Variants in URB1 observed in about 807,000 individuals in gnomAD.
The protein encoded by URB1 is URB1 ribosome biogenesis factor.
URB1 carries 197 observed loss-of-function variants against 242.3 expected under a neutral mutation model. That is an observed-to-expected ratio of 0.81 (90% CI 0.72 to 0.91). The LOEUF (loss-of-function observed/expected upper bound fraction) is 0.91. URB1 is among the 40% of genes least tolerant of loss of function. URB1 has a pLI of 0.00. For synonymous variants in URB1, 1,153 were observed against 1,201.8 expected (o/e 0.96, Z 0.84); for missense variants, 2,721 against 2,860.5 (o/e 0.95, Z 1.11).
rs893068917 is a variant in URB1, at chr21:32,357,669, C to T, written c.1870-13G>A. On this transcript the variant is annotated splice_polypyrimidine_tract_variant and intron_variant, in intron 14 of 38. Coordinates refer to ENST00000382751, the MANE Select transcript of URB1 (RefSeq NM_014825.3). ...CATCTGGGCCTTCCTAGAGTTTAAA[C>T]AATATTACGTATTTTTAGTATATAT... is the stretch of plus-strand genomic sequence containing the variant. 5.1e-5 allele frequency: 73 copies of T among 1,436,448 alleles called. No individual in the cohort carries two copies. The highest frequency in any genetic ancestry group is 6.4e-5 in the Non-Finnish European group (70 of 1,098,778). 89.0% of individuals were successfully genotyped at this position (1,436,448 alleles called of 1,614,324 possible).
intron 5 of URB1, among the ~76,000 whole-genome samples, chr21:32,376,965 A>G (rs2033466418): frequency 6.6e-6 from 1 of 152,138 alleles, no homozygotes; most frequent in Non-Finnish European, 1.5e-5. Context: ...GCCAGCCTCC[A>G]GAGTATTTTT....
chr21:32,361,150 A>AAG (rs1252373500), intron 12 of URB1, 27 bp from the exon 13 acceptor site: 5 of 1,119,914 alleles, frequency 4.5e-6, no homozygotes, highest in Non-Finnish European at 6.3e-6. Context: ...AAAAGAAAGA[A>AAG]AAAGAGAAAA....
chr21:32,386,634 G>C (rs777881510), intron 1 of URB1, among the ~76,000 whole-genome samples: 4 of 152,154 alleles, frequency 2.6e-5, no homozygotes, highest in Non-Finnish European at 5.9e-5. Flanking sequence ...GACTCGTCTG[G>C]ATCCCCATAG....
Position 32,372,627 on chromosome 21 carries a change from G to A in URB1, c.881C>T (p.Ser294Phe). 1.3e-6 allele frequency: 2 copies of A among 1,547,204 alleles called. No homozygotes were observed. Among genetic ancestry groups the A allele is most frequent in the Non-Finnish European group, 1.7e-6 (2 of 1,146,132 alleles). ...TDVNPENVKV[S>F]AEEAGKTMVR... ...CATGGTTTTCCCTGCTTCTTCGGCA[G>A]AAACCTATGAAGATTTTTTAAAAAT... The change falls in exon 8 of 39, where the codon TCT becomes TTT. Residue 294 changes from serine (S) to phenylalanine (F), a missense_variant. Coordinates refer to ENST00000382751, the MANE Select transcript of URB1 (RefSeq NM_014825.3).
In URB1 at chr21:32,366,618, G is replaced by A. The variant is rs1231113745; in HGVS notation, c.1335C>T (p.Asn445=). 54 of 1,551,324 alleles carry A rather than the reference G, an allele frequency of 3.5e-5. No homozygotes were observed. The highest frequency in any genetic ancestry group is 5.9e-5 in the South Asian group (5 of 84,040). The part of the protein sequence containing the change: ...CNKSMFTQAL[N]LDSTSVRHTA... The stretch of plus-strand genomic sequence containing the variant: ...AAGTGGGGCAACCACATGGCCTTAC[G>A]TTTAATGCTTGGGTGAACATGCTCT... The change falls in exon 10 of 39, where the codon AAC becomes AAT. Residue 445 remains asparagine (N), a splice_region_variant and synonymous_variant. Coordinates refer to ENST00000382751, the MANE Select transcript of URB1 (RefSeq NM_014825.3).
chr21:32,351,585 C>A (rs1287841910), intron 19 of URB1, among the ~76,000 whole-genome samples: 3 of 152,186 alleles, frequency 2.0e-5, no homozygotes, highest in Non-Finnish European at 4.4e-5. Flanking sequence ...GTGTGAAATG[C>A]AAATTCTCAG....
In URB1 at chr21:32,338,813, C is replaced by T; in HGVS notation, c.4404G>A (p.Lys1468=). Residue 1468 remains lysine (K), a synonymous_variant, in exon 26 of 39, where the codon AAG becomes AAA. Coordinates refer to ENST00000382751, the MANE Select transcript of URB1 (RefSeq NM_014825.3). ...LYSPESSVRT[K]LIQLPVVYVM... ...CGTAGACCACCGGGAGCTGGATGAG[C>T]TTCGTGCGCACGGAGCTTTCTGGGC... The T allele has an allele frequency of 6.4e-7, 1 of 1,551,730 alleles. No homozygotes were observed. Among genetic ancestry groups the T allele is most frequent in the Middle Eastern group, 1.7e-4 (1 of 5,992 alleles).
At chr21:32,362,100 T>A in intron 11 of URB1, 79 bp from the exon 12 acceptor site, 10 of 1,494,574 alleles carry the variant, frequency 6.7e-6, no homozygotes, top group East Asian at 2.5e-5. Context: ...ATTAACAAGA[T>A]GCAAAAAACA....
In URB1 at chr21:32,325,256, C is replaced by T. The variant is rs991188467; in HGVS notation, c.5094G>A (p.Glu1698=). 7.7e-6 allele frequency: 12 copies of T among 1,551,568 alleles called. No individual in the cohort carries two copies. In the Admixed American group the frequency reaches 1.2e-4, roughly 15 times the overall value. ...GGGACTGCTCTTGGAACCGTGCGCC[C>T]TCCAAGTGCGAGTAGTAGGCCGCCA... ...HVLAAYYSHL[E]GARFQEQSQL... The change falls in exon 31 of 39, where the codon GAG becomes GAA. Residue 1698 remains glutamate, a synonymous_variant. Transcript: ENST00000382751.
At chr21:32,327,467 T>G (rs911961911) in intron 30 of URB1, among the ~76,000 whole-genome samples, 1 of 151,914 alleles carries the variant, frequency 6.6e-6, no homozygotes, top group Non-Finnish European at 1.5e-5. Context: ...AAGTTAAGAC[T>G]TTTTTCAGAC....
chr21:32,343,844 C>A (rs560756376), intron 24 of URB1, among the ~76,000 whole-genome samples: 2 of 151,762 alleles, frequency 1.3e-5, no homozygotes, highest in South Asian at 4.2e-4. Flanking sequence ...ATAAAACTAC[C>A]CTGAAGTGTA....
At chr21:32,340,857 G>A (rs768098640) in intron 25 of URB1, among the ~76,000 whole-genome samples, 1 of 152,186 alleles carries the variant, frequency 6.6e-6, no homozygotes, top group Non-Finnish European at 1.5e-5. Flanking sequence ...ACATTTGTCA[G>A]TAGAGGACTG....
Position 32,349,302 on chromosome 21 carries a change from A to T in URB1, c.3012+2T>A, listed in dbSNP as rs967722902. Reference sequence around the variant, plus strand: ...AGGCTACCAGGCAACCTGTGGCGGTACCTGATCATTGGCCAACTCCAGCGA... The same window carrying T: ...AGGCTACCAGGCAACCTGTGGCGGTTCCTGATCATTGGCCAACTCCAGCGA... On this transcript the variant is annotated splice_donor_variant, in intron 21 of 38. Coordinates refer to ENST00000382751, the MANE Select transcript of URB1 (RefSeq NM_014825.3). LOFTEE classifies it high-confidence loss of function. 1 of 1,538,248 alleles carries T rather than the reference A, an allele frequency of 6.5e-7. No homozygotes were observed. The highest frequency in any genetic ancestry group is 2.0e-5 in the Admixed American group (1 of 49,296).
In URB1 at chr21:32,375,397, C is replaced by G. The variant is rs1165953523; in HGVS notation, c.750+1G>C. 1 of 1,516,318 alleles carries G rather than the reference C, an allele frequency of 6.6e-7. No homozygotes were observed. Among genetic ancestry groups the G allele is most frequent in the Non-Finnish European group, 8.9e-7 (1 of 1,126,910 alleles). The allele number at this position is 1,516,318 out of a possible 1,614,324, so 93.9% of individuals were successfully genotyped here. A position where few individuals can be genotyped will look rare whatever the true frequency, so the allele number is the denominator to read the frequency against. On this transcript the variant is annotated splice_donor_variant, in intron 6 of 38. Transcript: ENST00000382751. LOFTEE classifies it high-confidence loss of function. ...AGAAACGCGGATCACCAAGCACATA[C>G]CTTTGTTTTCAGTGTGGATAATAAA...
rs761156930 is a variant in URB1, at chr21:32,392,814, C to CTTCTTT, written c.96_97insAAAGAA (p.Gly32_Val33insLysGlu). Reference sequence around the variant, plus strand: ...TCCTTCAGCTGAGCCTTGAACCGCACGCCCGTGAGCTCTTCTTTGCGGGCG... The same window carrying CTTCTTT: ...TCCTTCAGCTGAGCCTTGAACCGCACTTCTTTGCCCGTGAGCTCTTCTTTGCGGGCG... On this transcript the variant is annotated inframe_insertion, in exon 1 of 39. Coordinates refer to ENST00000382751, the MANE Select transcript of URB1 (RefSeq NM_014825.3). 3.3e-6 allele frequency: 5 copies of CTTCTTT among 1,530,036 alleles called. No homozygotes were observed. The allele number at this position is 1,530,036 out of a possible 1,614,324, so 94.8% of individuals were successfully genotyped here.
chr21:32,357,932 G>C (rs1232047719), intron 14 of URB1, among the ~76,000 whole-genome samples: 1 of 152,182 alleles, frequency 6.6e-6, no homozygotes, highest in Non-Finnish European at 1.5e-5. Flanking sequence ...GGGAGGCTGA[G>C]GCAGGAGAAT....
chr21:32,338,659 G>C lies in URB1; in HGVS notation c.4510+48C>G, dbSNP rs1382479941. On this transcript the variant is annotated intron_variant, in intron 26 of 38. Coordinates refer to ENST00000382751, the MANE Select transcript of URB1 (RefSeq NM_014825.3). Reference sequence around the variant, plus strand: ...CAGTGCAGCCAGTGTAAGGAAATCAGGAGATAAAATCTGGATACGGAATGG... The same window carrying C: ...CAGTGCAGCCAGTGTAAGGAAATCACGAGATAAAATCTGGATACGGAATGG... 6.5e-6 allele frequency: 10 copies of C among 1,544,096 alleles called. No individual in the cohort carries two copies. In the East Asian group the frequency reaches 2.4e-4, roughly 38 times the overall value.
At position 32,334,257 on chromosome 21, in the gene URB1, G is replaced by A. The variant is rs1187265511; in HGVS notation, c.4763C>T (p.Pro1588Leu). Reference protein sequence around the residue: ...RSLGRSLWQQPSVGDILRLLD... With the variant: ...RSLGRSLWQQLSVGDILRLLD... ...CAGGCGAAGGATGTCCCCGACACTC[G>A]GCTGCTGCCACAGTGACCTGCCCAG... The change falls in exon 29 of 39, where the codon CCG becomes CTG. Residue 1588 changes from proline to leucine, a missense_variant. By Grantham distance (98) the Pro-to-Leu change is moderately conservative (BLOSUM62 -3). Coordinates refer to ENST00000382751, the MANE Select transcript of URB1 (RefSeq NM_014825.3). The A allele has an allele frequency of 1.0e-5, 16 of 1,551,368 alleles. 1 individual carries two copies. Among genetic ancestry groups the A allele is most frequent in the South Asian group, 8.3e-5 (7 of 84,042 alleles).
chr21:32,337,070 G>C, intron 28 of URB1, 24 bp downstream of exon 28: 1 of 1,550,968 alleles, frequency 6.4e-7, no homozygotes, highest in South Asian at 1.2e-5. Flanking sequence ...TCAAGGCCTA[G>C]TCTACCTCTA....
Sources: allele counts gnomAD v4.1 joint callset (sites outside exome capture counted in the v4.1 genomes callset), GRCh38; gene constraint gnomAD v4.1.1; transcripts MANE v1.5; gene names NCBI Gene and HGNC (gene_info 2026-07-23, HGNC 2026-07-21).